Variants in CSMD1 observed in about 807,000 individuals in gnomAD.
CSMD1 encodes the protein CUB and sushi domain-containing protein 1.
A neutral mutation model predicts 417.5 loss-of-function variants in CSMD1; 213 were observed. The ratio of observed to expected loss-of-function variants is 0.51; its 90% CI spans 0.46 to 0.57. CSMD1 has a LOEUF of 0.57. Ranked by LOEUF, CSMD1 falls within the 20% of genes least tolerant of loss-of-function variation. The pLI is 0.00. For synonymous variants in CSMD1, 2,862 were observed against 1,736.8 expected (o/e 1.65, Z -16.11); for missense variants, 6,923 against 4,529.7 (o/e 1.53, Z -15.17).
At chr8:4,712,697 A>T (rs146759351) in intron 1 of CSMD1, among the ~76,000 whole-genome samples, 1 of 152,126 alleles carries the variant, frequency 6.6e-6, no homozygotes, top group South Asian at 2.1e-4. Flanking sequence ...AATAATAGTG[A>T]CGGTGTGTTT....
intron 12 of CSMD1, among the ~76,000 whole-genome samples, chr8:3,460,470 T>C (rs926623686): frequency 1.3e-5 from 2 of 152,094 alleles, no homozygotes; most frequent in Non-Finnish European, 2.9e-5. Context: ...TGTTCATTTT[T>C]TTAAAAAAGA....
At chr8:2,983,324 C>G (rs1338281404) in intron 54 of CSMD1, among the ~76,000 whole-genome samples, 1 of 151,930 alleles carries the variant, frequency 6.6e-6, no homozygotes, top group Non-Finnish European at 1.5e-5. Flanking sequence ...GTAGCTGGTA[C>G]TACAGGCACC....
chr8:4,056,014 C>T (rs907518146), intron 3 of CSMD1, among the ~76,000 whole-genome samples: 4 of 151,460 alleles, frequency 2.6e-5, no homozygotes, highest in Non-Finnish European at 5.9e-5. Context: ...TTGTAGTCTA[C>T]ACAGATTTCC....
At chr8:3,485,306 G>A (rs923893119) in intron 11 of CSMD1, among the ~76,000 whole-genome samples, 10 of 152,098 alleles carry the variant, frequency 6.6e-5, no homozygotes, top group African/African-American at 2.2e-4. Flanking sequence ...AACACACTAC[G>A]TGCTTCTAAT....
chr8:3,777,540 T>G (rs898968940), intron 5 of CSMD1, among the ~76,000 whole-genome samples: 1 of 152,142 alleles, frequency 6.6e-6, no homozygotes, highest in Non-Finnish European at 1.5e-5. Flanking sequence ...GACGGAGGGC[T>G]TTCTCCTCCA....
At chr8:4,585,859 A>G (rs1341666706) in intron 2 of CSMD1, among the ~76,000 whole-genome samples, 2 of 152,224 alleles carry the variant, frequency 1.3e-5, no homozygotes, top group African/African-American at 4.8e-5. Context: ...TATTAGATGA[A>G]AGCATGCAGG....
In CSMD1 at chr8:4,785,676, C is replaced by G. The variant is rs192653785; in HGVS notation, c.86-148118G>C. The stretch of plus-strand genomic sequence containing the variant: ...GCTTTTAGAGAAAAATACAAACTGA[C>G]AAAATGAAGAAAGGAGAAAGGAAGG... On this transcript the variant is annotated intron_variant, in intron 1 of 69. Coordinates refer to ENST00000635120, the MANE Select transcript of CSMD1 (RefSeq NM_033225.6). Among the ~76,000 whole-genome samples the G allele has an allele frequency of 7.1e-4, 108 of 152,134 alleles. 1 individual carries two copies. The highest frequency in any genetic ancestry group is 2.5e-3 in the African/African-American group (105 of 41,472).
At chr8:3,798,976 G>A (rs1335930178) in intron 5 of CSMD1, among the ~76,000 whole-genome samples, 1 of 151,828 alleles carries the variant, frequency 6.6e-6, no homozygotes, top group African/African-American at 2.4e-5. Flanking sequence ...ATATATATGG[G>A]TGAATAATAA....
chr8:3,322,148 G>C (rs61629057), intron 23 of CSMD1, among the ~76,000 whole-genome samples: 1 of 152,158 alleles, frequency 6.6e-6, no homozygotes. Flanking sequence ...GTCATAATGA[G>C]TTTGAGGATG....
chr8:3,740,589 G>A (rs779426866), intron 6 of CSMD1, among the ~76,000 whole-genome samples: 1 of 152,170 alleles, frequency 6.6e-6, no homozygotes, highest in Non-Finnish European at 1.5e-5. Flanking sequence ...ACAGGAAGGA[G>A]GACGAGCAGG....
intron 9 of CSMD1, among the ~76,000 whole-genome samples, chr8:3,581,583 C>A (rs1398744475): frequency 4.6e-5 from 7 of 152,094 alleles, no homozygotes; most frequent in African/African-American, 9.7e-5. Context: ...GAGTTACAGT[C>A]CCTTCATGAA....
At chr8:3,083,650 T>TATATATA (rs1814304913) in intron 49 of CSMD1, among the ~76,000 whole-genome samples, 3 of 15,686 alleles carry the variant, frequency 1.9e-4, no homozygotes, top group South Asian at 6.6e-3. Context: ...ATATATATAT[T>TATATATA]TTTTTTTTTT....
At chr8:3,962,082 C>A (rs1274794093) in intron 5 of CSMD1, among the ~76,000 whole-genome samples, 1 of 152,198 alleles carries the variant, frequency 6.6e-6, no homozygotes, top group Non-Finnish European at 1.5e-5. Context: ...TCAGAGATAA[C>A]TTGAGCTTGG....
chr8:4,370,995 C>A (rs1156918889), intron 3 of CSMD1, among the ~76,000 whole-genome samples: 4 of 152,184 alleles, frequency 2.6e-5, no homozygotes, highest in Admixed American at 6.5e-5. Flanking sequence ...CAAGAAGACA[C>A]ACTGACCTTT....
At chr8:4,384,982 G>T (rs541134884) in intron 3 of CSMD1, among the ~76,000 whole-genome samples, 11 of 152,088 alleles carry the variant, frequency 7.2e-5, no homozygotes, top group Non-Finnish European at 1.5e-5. Flanking sequence ...GTGCAATGGC[G>T]CAATCTCGAT....
At chr8:3,477,476 C>A (rs189751525) in intron 11 of CSMD1, among the ~76,000 whole-genome samples, 1 of 152,130 alleles carries the variant, frequency 6.6e-6, no homozygotes, top group South Asian at 2.1e-4. Flanking sequence ...TGGGTAGACA[C>A]AGGGTGAGCT....
intron 4 of CSMD1, among the ~76,000 whole-genome samples, chr8:4,001,198 G>C (rs1328936935): frequency 1.3e-5 from 2 of 152,188 alleles, no homozygotes; most frequent in African/African-American, 2.4e-5. Flanking sequence ...CAAGTGTATA[G>C]AATAAGAAGC....
At chr8:4,817,479 G>C (rs1463818223) in intron 1 of CSMD1, among the ~76,000 whole-genome samples, 1 of 152,220 alleles carries the variant, frequency 6.6e-6, no homozygotes, top group Non-Finnish European at 1.5e-5. Flanking sequence ...GAGGCCCAAA[G>C]GGCACGTCCA....
Position 4,137,693 on chromosome 8 carries a change from CAAG to C in CSMD1, c.416-105597_416-105595del, listed in dbSNP as rs1803519400. Among the ~76,000 whole-genome samples, 6 of 130,510 alleles carry C rather than the reference CAAG, an allele frequency of 4.6e-5. 1 individual carries two copies. In the Admixed American group the frequency reaches 4.8e-4, roughly 10 times the overall value. 85.6% of individuals were successfully genotyped at this position (130,510 alleles called of 152,430 possible). On this transcript the variant is annotated intron_variant, in intron 3 of 69. Coordinates refer to ENST00000635120, the MANE Select transcript of CSMD1 (RefSeq NM_033225.6). ...AGTAACTTCTTATATAGCTGTAAGACAAGAGATCACATCGATAAAGATACTGTA... is the reference window on the plus strand; with the variant it reads ...AGTAACTTCTTATATAGCTGTAAGACAGATCACATCGATAAAGATACTGTA...
Sources: gnomAD v4.1 joint callset for allele counts (sites outside exome capture counted in the v4.1 genomes callset) on GRCh38, gnomAD v4.1.1 for gene constraint, MANE v1.5 for transcripts, NCBI Gene and HGNC (gene_info 2026-07-23, HGNC 2026-07-21) for gene names.